Variants in FNDC1 observed in about 807,000 individuals in gnomAD.
FNDC1 encodes fibronectin type III domain containing 1, also known as fibronectin type III domain-containing protein 1.
Under a neutral mutation model 168.0 loss-of-function variants are expected in FNDC1, and 96 were observed. The observed-to-expected ratio is 0.57, with a 90% CI of 0.48 to 0.68. FNDC1 has a LOEUF of 0.68. FNDC1 is among the 30% of genes least tolerant of loss of function. FNDC1 has a pLI of 0.00. For synonymous variants in FNDC1, 1,099 were observed against 1,025.9 expected (o/e 1.07, Z -1.36); for missense variants, 2,587 against 2,482.1 (o/e 1.04, Z -0.90).
intron 7 of FNDC1, 105 bp from the exon 8 acceptor site, chr6:159,225,430 A>T: frequency 3.4e-6 from 3 of 872,218 alleles, no homozygotes; most frequent in Non-Finnish European, 5.0e-6. Context: ...TGATTTTCTT[A>T]CTTACCTCCC....
At chr6:159,222,231 T>G (rs1200333664) in intron 6 of FNDC1, among the ~76,000 whole-genome samples, 1 of 152,222 alleles carries the variant, frequency 6.6e-6, no homozygotes, top group African/African-American at 2.4e-5. Context: ...CATTAACAAA[T>G]GACAGGTACC....
chr6:159,240,193 C>T (rs9346782), intron 14 of FNDC1, among the ~76,000 whole-genome samples: 1 of 152,000 alleles, frequency 6.6e-6, no homozygotes, highest in Non-Finnish European at 1.5e-5. Flanking sequence ...AAATTATTTC[C>T]TGTTCACTTA....
In FNDC1 at chr6:159,232,670, T is replaced by C. The variant is rs751061233; in HGVS notation, c.2158T>C (p.Ser720Pro). The C allele has an allele frequency of 1.2e-6, 2 of 1,613,372 alleles. No individual in the cohort carries two copies. The highest frequency in any genetic ancestry group is 4.5e-5 in the East Asian group (2 of 44,836). ...TGCCTCAGCCCCACCCTCAAGACTT[T>C]CTCCACCCCATGGGGGATCATCTCG... ...SSASAPPSRL[S>P]PPHGGSSRLL... The change falls in exon 11 of 23, where the codon TCT becomes CCT. Residue 720 changes from serine (S) to proline (P), a missense_variant. Transcript: ENST00000297267. The surrounding 1 kb of genome is among the most constrained non-coding windows in gnomAD (Gnocchi z 4.9).
chr6:159,203,584 C>T (rs779192075), intron 4 of FNDC1, among the ~76,000 whole-genome samples: 6 of 152,182 alleles, frequency 3.9e-5, no homozygotes, highest in African/African-American at 7.2e-5. Context: ...TTCTCCGAGC[C>T]GGAAAGCTTT....
chr6:159,228,030 A>G (rs1782990552), intron 9 of FNDC1, among the ~76,000 whole-genome samples: 1 of 122,706 alleles, frequency 8.1e-6, no homozygotes, highest in African/African-American at 4.5e-5. Flanking sequence ...AAAATTGAAT[A>G]AAGACTTTTT....
At chr6:159,218,534 G>A (rs2114972132) in intron 5 of FNDC1, 1 of 152,222 alleles carries the variant, frequency 6.6e-6, no homozygotes, top group East Asian at 1.9e-4. Context: ...TGGGAAGCCT[G>A]TCTACGCACT....
At chr6:159,217,268 G>A (rs1040998814) in intron 5 of FNDC1, among the ~76,000 whole-genome samples, 9 of 152,224 alleles carry the variant, frequency 5.9e-5, no homozygotes, top group African/African-American at 2.2e-4. Flanking sequence ...TCAGGAGACA[G>A]CCAAGGCTGG....
chr6:159,248,398 T>C (rs1271049885), intron 15 of FNDC1, among the ~76,000 whole-genome samples: 2 of 152,152 alleles, frequency 1.3e-5, no homozygotes, highest in Admixed American at 1.3e-4. Context: ...CTCTGCCTCC[T>C]GGGTTCAAGT....
intron 12 of FNDC1, among the ~76,000 whole-genome samples, chr6:159,238,120 C>T (rs1321468234): frequency 7.1e-6 from 1 of 141,058 alleles, no homozygotes; most frequent in East Asian, 2.1e-4. Flanking sequence ...TTTTTTGAGA[C>T]GGAGTCTTGC....
intron 1 of FNDC1, among the ~76,000 whole-genome samples, chr6:159,189,640 T>C (rs1782087854): frequency 6.6e-6 from 1 of 152,228 alleles, no homozygotes; most frequent in Non-Finnish European, 1.5e-5. Context: ...CTGAGGGAAC[T>C]CTCACCCCTC....
intron 21 of FNDC1, among the ~76,000 whole-genome samples, chr6:159,266,676 T>A (rs1777599859): frequency 1.4e-5 from 1 of 72,514 alleles, no homozygotes; most frequent in Non-Finnish European, 2.7e-5. Flanking sequence ...ATTAGAAATC[T>A]AGGGTTTTTT....
intron 11 of FNDC1, among the ~76,000 whole-genome samples, chr6:159,234,886 G>T (rs1699442): frequency 0.84 from 128,491 of 152,272 alleles, 54,688 homozygotes; most frequent in Non-Finnish European, 0.9. Context: ...CCCAACTCAG[G>T]TTCTTCTTAG....
chr6:159,240,605 T>G (rs1783397475), intron 14 of FNDC1, among the ~76,000 whole-genome samples: 1 of 152,186 alleles, frequency 6.6e-6, no homozygotes, highest in Non-Finnish European at 1.5e-5. Context: ...ATGCACCATT[T>G]TCCCTTCTCT....
At chr6:159,211,221 G>A (rs889551039) in intron 4 of FNDC1, among the ~76,000 whole-genome samples, 4 of 152,190 alleles carry the variant, frequency 2.6e-5, no homozygotes, top group Non-Finnish European at 5.9e-5. Flanking sequence ...TGTGAAGTTG[G>A]TGGTCAGCGC....
chr6:159,199,835 TA>T (rs1426048008), intron 2 of FNDC1, among the ~76,000 whole-genome samples, 160 bp from the exon 3 acceptor site: 1 of 152,134 alleles, frequency 6.6e-6, no homozygotes, highest in Non-Finnish European at 1.5e-5. Flanking sequence ...GATTTTAATT[TA>T]AAAAAAGAGA....
At position 159,221,579 on chromosome 6, in the gene FNDC1, C is replaced by T; in HGVS notation, c.668-19C>T. Reference sequence around the variant, plus strand: ...AGAAATGGAAGTCAGAATCTCATCCCTCACTCCCTGGTCCACAGCCTCGGA... The same window carrying T: ...AGAAATGGAAGTCAGAATCTCATCCTTCACTCCCTGGTCCACAGCCTCGGA... On this transcript the variant is annotated intron_variant, in intron 5 of 22. Coordinates refer to ENST00000297267, the MANE Select transcript of FNDC1 (RefSeq NM_032532.3). 2.5e-6 allele frequency: 4 copies of T among 1,602,656 alleles called. No homozygotes were observed. Among genetic ancestry groups the T allele is most frequent in the East Asian group, 2.2e-5 (1 of 44,808 alleles).
chr6:159,197,658 A>G (rs1449857075), intron 2 of FNDC1, 33 bp downstream of exon 2: 1 of 1,565,322 alleles, frequency 6.4e-7, no homozygotes, highest in Admixed American at 1.7e-5. Flanking sequence ...TCCCAGTCAG[A>G]ATTAACTGTG....
chr6:159,259,715 A>G (rs1777446525), intron 18 of FNDC1, among the ~76,000 whole-genome samples: 1 of 152,256 alleles, frequency 6.6e-6, no homozygotes, highest in South Asian at 2.1e-4. Flanking sequence ...AAGTACATGT[A>G]ACTGGGAAAA....
At chr6:159,210,260 A>T (rs1181351869) in intron 4 of FNDC1, among the ~76,000 whole-genome samples, 1 of 152,192 alleles carries the variant, frequency 6.6e-6, no homozygotes, top group African/African-American at 2.4e-5. Context: ...AACCACCATG[A>T]GCTTCTCAAC....
Sources: allele counts gnomAD v4.1 joint callset (sites outside exome capture counted in the v4.1 genomes callset), GRCh38; gene constraint gnomAD v4.1.1; non-coding constraint Gnocchi (gnomAD v3.1); transcripts MANE v1.5; gene names NCBI Gene and HGNC (gene_info 2026-07-23, HGNC 2026-07-21).